Variants in FAM117A observed in about 807,000 individuals in gnomAD.
FAM117A encodes the protein family with sequence similarity 117 member A.
In FAM117A, 21 loss-of-function variants were observed where a neutral mutation model predicts 44.1. That is an observed-to-expected ratio of 0.48 (90% CI 0.34 to 0.69). The LOEUF (loss-of-function observed/expected upper bound fraction) is 0.69. Among genes scored for constraint, FAM117A ranks in the 30% least tolerant of loss-of-function variants. The pLI, the probability that FAM117A is intolerant of heterozygous loss-of-function variation, is 0.01. For missense variants in FAM117A, 498 were observed against 589.9 expected (o/e 0.84, Z 1.61); for synonymous variants, 220 against 238.3 (o/e 0.92, Z 0.71).
At chr17:49,772,643 T>C (rs993517212) in intron 1 of FAM117A, among the ~76,000 whole-genome samples, 1 of 151,390 alleles carries the variant, frequency 6.6e-6, no homozygotes, top group Non-Finnish European at 1.5e-5. Context: ...TCCCAGCTAG[T>C]TGGGAGGCTG....
At chr17:49,775,026 T>G (rs2143800317) in intron 1 of FAM117A, among the ~76,000 whole-genome samples, 1 of 152,272 alleles carries the variant, frequency 6.6e-6, no homozygotes, top group Admixed American at 6.5e-5. Flanking sequence ...CCCCCCTCTG[T>G]TGCCTAGGCT....
At position 49,775,728 on chromosome 17, in the gene FAM117A, TCTACAAAGTAGC is replaced by T. The variant is rs1451863399; in HGVS notation, c.-621+12757_-621+12768del. 3.3e-5 allele frequency among the ~76,000 whole-genome samples: 5 copies of T among 152,320 alleles called. No individual in the cohort carries two copies. The East Asian group carries it at 7.7e-4, about 23-fold the overall frequency. On this transcript the variant is annotated intron_variant, in intron 1 of 7. Transcript: ENST00000513602. ...TTCAACTTTGGCAAAGGCCTGGTAG[TCTACAAAGTAGC>T]CTGTATTCTGCTGGGGTAGGAAGCA...
intron 1 of FAM117A, among the ~76,000 whole-genome samples, chr17:49,751,434 G>A (rs2073676970): frequency 6.6e-6 from 1 of 151,888 alleles, no homozygotes; most frequent in African/African-American, 2.4e-5. Flanking sequence ...ACAAAAATTA[G>A]CTGGGCATGG....
chr17:49,767,642 C>T (rs1347304634), upstream of FAM117A, among the ~76,000 whole-genome samples: 5 of 152,280 alleles, frequency 3.3e-5, no homozygotes, highest in East Asian at 3.9e-4. Flanking sequence ...TGGTGGCTCA[C>T]GCCTGTAATC....
At chr17:49,782,517 C>T (rs867577007) in intron 1 of FAM117A, among the ~76,000 whole-genome samples, 1 of 150,522 alleles carries the variant, frequency 6.6e-6, no homozygotes, top group African/African-American at 2.4e-5. Flanking sequence ...TGGTGAAATG[C>T]TGTCTCTACT....
intron 2 of FAM117A, among the ~76,000 whole-genome samples, chr17:49,726,048 C>A (rs938750812): frequency 6.6e-6 from 1 of 152,204 alleles, no homozygotes; most frequent in Non-Finnish European, 1.5e-5. Context: ...ACACCTTGAT[C>A]TCAGCCCAGT....
intron 5 of FAM117A, 64 bp from the exon 6 acceptor site, chr17:49,717,778 AC>A (rs1279090536): frequency 4.6e-5 from 62 of 1,347,642 alleles, no homozygotes; most frequent in Non-Finnish European, 6.2e-5. Flanking sequence ...CAGCACAGTG[AC>A]CCCAAGGGTA....
rs942160943 is a variant in FAM117A at position 49,773,816 on chromosome 17, C to T, written c.-621+14681G>A. ...TTGCCCAGGCTGGAGTGTAATGGCA[C>T]GATCTCGGCTCACTGTAACCTCCAC... On this transcript the variant is annotated intron_variant, in intron 1 of 7. Coordinates refer to the FAM117A transcript ENST00000513602. Among the ~76,000 whole-genome samples, 6 of 151,870 alleles carry T rather than the reference C, an allele frequency of 4.0e-5. No individual in the cohort carries two copies. The East Asian group carries it at 7.8e-4, about 20-fold the overall frequency.
intron 1 of FAM117A, among the ~76,000 whole-genome samples, chr17:49,735,157 TAGTG>T (rs777027703): frequency 2.0e-5 from 3 of 152,254 alleles, no homozygotes; most frequent in Non-Finnish European, 4.4e-5. Flanking sequence ...ATGGTTAAAA[TAGTG>T]AGTATATATT....
intron 5 of FAM117A, among the ~76,000 whole-genome samples, chr17:49,718,969 T>G (rs1181835245): frequency 1.2e-5 from 1 of 82,096 alleles, no homozygotes; most frequent in East Asian, 3.8e-4. Flanking sequence ...AGAGCGAGAC[T>G]CTCCAAAAAA....
intron 1 of FAM117A, among the ~76,000 whole-genome samples, chr17:49,779,194 G>C (rs2073782774): frequency 6.6e-6 from 1 of 152,230 alleles, no homozygotes; most frequent in Non-Finnish European, 1.5e-5. Context: ...GCAGGACACT[G>C]AAGGCCAGGG....
At chr17:49,749,526 G>A (rs1282899139) in intron 1 of FAM117A, among the ~76,000 whole-genome samples, 4 of 125,030 alleles carry the variant, frequency 3.2e-5, no homozygotes, top group Non-Finnish European at 7.3e-5. Context: ...GCAGTGAGCC[G>A]AGATCGCGCC....
At chr17:49,775,470 A>G (rs1342566611) in intron 1 of FAM117A, among the ~76,000 whole-genome samples, 1 of 152,174 alleles carries the variant, frequency 6.6e-6, no homozygotes, top group African/African-American at 2.4e-5. Context: ...AGCTGATGAA[A>G]AAGTCCCAAA....
At chr17:49,780,995 T>G (rs545616167) in intron 1 of FAM117A, among the ~76,000 whole-genome samples, 1 of 152,202 alleles carries the variant, frequency 6.6e-6, no homozygotes, top group South Asian at 2.1e-4. Context: ...CATGCCCGGC[T>G]AATTTTTGTG....
At chr17:49,738,627 C>T (rs1041212300) in intron 1 of FAM117A, among the ~76,000 whole-genome samples, 1 of 152,182 alleles carries the variant, frequency 6.6e-6, no homozygotes, top group Non-Finnish European at 1.5e-5. Context: ...CATCCTGGCA[C>T]AGGGTGCTGG....
intron 1 of FAM117A, among the ~76,000 whole-genome samples, chr17:49,740,686 A>C (rs73335263): frequency 0.037 from 5,706 of 152,302 alleles, 365 homozygotes; most frequent in African/African-American, 0.13. Flanking sequence ...CTACCAGGCA[A>C]GACCCCCAGG....
Position 49,711,329 on chromosome 17 carries a change from G to A in FAM117A, c.1288C>T (p.Leu430=). The change falls in exon 8 of 8, where the codon CTG becomes TTG. Residue 430 remains leucine, a synonymous_variant. Coordinates refer to ENST00000240364, the MANE Select transcript of FAM117A (RefSeq NM_030802.4). ...KDPEASKASP[L]PFEPWQRTPP... The stretch of plus-strand genomic sequence containing the variant: ...GTGCGCTGCCATGGCTCGAATGGCA[G>A]TGGGGAGGCCTTGGAGGCTTCCGGA... 7.5e-6 allele frequency: 12 copies of A among 1,609,816 alleles called. No individual in the cohort carries two copies. Among genetic ancestry groups the A allele is most frequent in the Non-Finnish European group, 9.3e-6 (11 of 1,177,346 alleles).
chr17:49,721,735 G>A (rs2073535270), intron 3 of FAM117A, among the ~76,000 whole-genome samples: 1 of 152,216 alleles, frequency 6.6e-6, no homozygotes, highest in African/African-American at 2.4e-5. Flanking sequence ...GCACTCCTGA[G>A]GGAGAGGGAG....
At chr17:49,734,765 A>G (rs1391164925) in intron 1 of FAM117A, among the ~76,000 whole-genome samples, 1 of 152,198 alleles carries the variant, frequency 6.6e-6, no homozygotes, top group Non-Finnish European at 1.5e-5. Context: ...CAATAGCCAA[A>G]AGGTGGGAGC....
Sources: allele counts gnomAD v4.1 joint callset (sites outside exome capture counted in the v4.1 genomes callset), GRCh38; gene constraint gnomAD v4.1.1; transcripts MANE v1.5; gene names NCBI Gene and HGNC (gene_info 2026-07-23, HGNC 2026-07-21).